Variants in RPS6KA2 observed in about 807,000 individuals in gnomAD.
The protein encoded by RPS6KA2 is ribosomal protein S6 kinase A2.
RPS6KA2 carries 42 observed loss-of-function variants against 91.8 expected under a neutral mutation model. The observed-to-expected ratio is 0.46, with a 90% CI of 0.36 to 0.59. RPS6KA2 has a LOEUF of 0.59. Among genes scored for constraint, RPS6KA2 ranks in the 20% least tolerant of loss-of-function variants. The pLI, the probability that RPS6KA2 is intolerant of heterozygous loss-of-function variation, is 0.00. For missense variants in RPS6KA2, 798 were observed against 978.5 expected (o/e 0.82, Z 2.46); for synonymous variants, 414 against 393.6 (o/e 1.05, Z -0.61).
Position 166,626,015 on chromosome 6 carries a change from C to A in RPS6KA2, c.99+906G>T, listed in dbSNP as rs1458029732. Among the ~76,000 whole-genome samples, 2 of 152,160 alleles carry A rather than the reference C, an allele frequency of 1.3e-5. No homozygotes were observed. The highest frequency in any genetic ancestry group is 4.8e-5 in the African/African-American group (2 of 41,432). On this transcript the variant is annotated intron_variant, in intron 1 of 20. Transcript: ENST00000265678. The surrounding 1 kb of genome is among the most constrained non-coding windows in gnomAD (Gnocchi z 4.1). ...ATTGTTCCAGCTGAAACAAACCAAC[C>A]AAAACCCCACAGGTGCCAGCCTTGA...
In RPS6KA2 at chr6:166,462,305, C is replaced by T. The variant is rs556905925; in HGVS notation, c.973-2754G>A. 6.1e-4 allele frequency among the ~76,000 whole-genome samples: 93 copies of T among 152,352 alleles called. 1 individual carries two copies. Among genetic ancestry groups the T allele is most frequent in the Admixed American group, 6.0e-3 (92 of 15,308 alleles). On this transcript the variant is annotated intron_variant, in intron 11 of 20. Transcript: ENST00000265678. ...CAGGCTCTGCCTGGCTTCCTACAGG[C>T]CACATCCTTCTCCCTCCTCGTCCAC... is the stretch of plus-strand genomic sequence containing the variant.
chr6:166,636,649 C>T (rs1290438729), intron 2 of RPS6KA2, among the ~76,000 whole-genome samples: 1 of 152,204 alleles, frequency 6.6e-6, no homozygotes, highest in Non-Finnish European at 1.5e-5. Context: ...GGAACTTTAA[C>T]ATCCCAGAGG....
At chr6:166,443,051 AT>A (rs1562496537) in intron 14 of RPS6KA2, among the ~76,000 whole-genome samples, 1 of 152,218 alleles carries the variant, frequency 6.6e-6, no homozygotes, top group Non-Finnish European at 1.5e-5. Flanking sequence ...CATATTTTGT[AT>A]TTGTATAATT....
intron 2 of RPS6KA2, among the ~76,000 whole-genome samples, chr6:166,669,710 C>A (rs914639388): frequency 1.3e-5 from 2 of 152,178 alleles, no homozygotes; most frequent in African/African-American, 2.4e-5. Flanking sequence ...TGACCCACCG[C>A]GTTTGCTCTT....
At chr6:166,522,478 C>T (rs1275775608) in intron 3 of RPS6KA2, among the ~76,000 whole-genome samples, 2 of 152,176 alleles carry the variant, frequency 1.3e-5, no homozygotes, top group Non-Finnish European at 2.9e-5. Context: ...GTCAGAGGCT[C>T]GATGATGCTT....
chr6:166,709,694 G>A (rs1562395020), intron 2 of RPS6KA2, among the ~76,000 whole-genome samples: 1 of 152,188 alleles, frequency 6.6e-6, no homozygotes, highest in South Asian at 2.1e-4. Flanking sequence ...TTAAGTCCTG[G>A]CACATTCCTC....
At chr6:166,697,538 A>G (rs868259761) in intron 2 of RPS6KA2, among the ~76,000 whole-genome samples, 5 of 152,212 alleles carry the variant, frequency 3.3e-5, no homozygotes, top group Admixed American at 2.6e-4. Flanking sequence ...CTGAATATCC[A>G]ATTTGAAACT....
At position 166,666,154 on chromosome 6, in the gene RPS6KA2, T is replaced by C. The variant is rs575181134; in HGVS notation, c.124-127370A>G. 5.3e-5 allele frequency among the ~76,000 whole-genome samples: 8 copies of C among 152,254 alleles called. No individual in the cohort carries two copies. Among genetic ancestry groups the C allele is most frequent in the African/African-American group, 1.9e-4 (8 of 41,556 alleles). On this transcript the variant is annotated intron_variant, in intron 2 of 21. Coordinates refer to the RPS6KA2 transcript ENST00000503859. The surrounding 1 kb of genome is among the most constrained non-coding windows in gnomAD (Gnocchi z 4.0). The stretch of plus-strand genomic sequence containing the variant: ...CACTTCAGAAGTTGGTGTCTAAAAT[T>C]GGAGACTCTTTCAGCAAGGCCTGCC...
intron 14 of RPS6KA2, among the ~76,000 whole-genome samples, chr6:166,447,484 A>AT (rs966851567): frequency 6.6e-6 from 1 of 152,044 alleles, no homozygotes; most frequent in Non-Finnish European, 1.5e-5. Flanking sequence ...GGGACCTGAG[A>AT]TTTTTTTTCG....
At chr6:166,543,210 C>T (rs1783715304) in intron 1 of RPS6KA2, among the ~76,000 whole-genome samples, 1 of 152,124 alleles carries the variant, frequency 6.6e-6, no homozygotes, top group Non-Finnish European at 1.5e-5. Flanking sequence ...GACAGAGTAC[C>T]ACATCGCAAG....
At chr6:166,574,195 T>C (rs957598882) in intron 1 of RPS6KA2, among the ~76,000 whole-genome samples, 1 of 152,212 alleles carries the variant, frequency 6.6e-6, no homozygotes, top group Non-Finnish European at 1.5e-5. Flanking sequence ...AGGAGGTCCA[T>C]GTGCAGGTTT....
chr6:166,429,651 A>C (rs1380924370), intron 16 of RPS6KA2, among the ~76,000 whole-genome samples: 3 of 152,146 alleles, frequency 2.0e-5, no homozygotes, highest in Non-Finnish European at 4.4e-5. Flanking sequence ...GGGTTTTGCC[A>C]TGTTGGCCAG....
chr6:166,567,836 C>T (rs961995985), intron 1 of RPS6KA2, among the ~76,000 whole-genome samples: 5 of 152,204 alleles, frequency 3.3e-5, no homozygotes. Context: ...CTCTCCCCAG[C>T]GATCCGTGCT....
chr6:166,528,776 C>T (rs1217758286), intron 3 of RPS6KA2, among the ~76,000 whole-genome samples: 28,119 of 149,516 alleles, frequency 0.19, 2,894 homozygotes, highest in African/African-American at 0.25. Context: ...GAACAGACAC[C>T]TCTCAAAAGA....
intron 2 of RPS6KA2, among the ~76,000 whole-genome samples, chr6:166,748,438 G>C (rs1308802434): frequency 2.0e-5 from 3 of 152,154 alleles, no homozygotes; most frequent in Non-Finnish European, 4.4e-5. Context: ...CCACAGGCTA[G>C]TGAGGGGGAA....
Position 166,626,729 on chromosome 6 carries a change from G to T in RPS6KA2, c.99+192C>A, listed in dbSNP as rs1189683739. ...TTGCCCCCGCGAGGACCCACGGACC[G>T]CCCAATTACTACGGAGTCCCAGCGA... On this transcript the variant is annotated intron_variant, in intron 1 of 20. Transcript: ENST00000265678. This position sits in a 1 kb window ranked among gnomAD's most constrained non-coding sequence, Gnocchi z 4.1. Among the ~76,000 whole-genome samples, 1 of 152,196 alleles carries T rather than the reference G, an allele frequency of 6.6e-6. No homozygotes were observed. The highest frequency in any genetic ancestry group is 1.5e-5 in the Non-Finnish European group (1 of 68,024).
At chr6:166,436,036 A>G (rs1425133980) in intron 14 of RPS6KA2, among the ~76,000 whole-genome samples, 3 of 152,172 alleles carry the variant, frequency 2.0e-5, no homozygotes, top group East Asian at 1.9e-4. Flanking sequence ...CCTCTGGCTC[A>G]CTGTTAAGAT....
In RPS6KA2 at chr6:166,862,347, G is replaced by C. The variant is rs1035406500; in HGVS notation, c.-177C>G. The C allele has an allele frequency of 5.5e-6, 8 of 1,451,280 alleles. No homozygotes were observed. The African/African-American group carries it at 1.0e-4, about 18-fold the overall frequency. 89.9% of individuals were successfully genotyped at this position (1,451,280 alleles called of 1,614,324 possible). ...GGCTCCCAGAGGAGGTCGTGAGCGC[G>C]GGGCCTGCGCCGGCCGGAGGAGGGA... On this transcript the variant is annotated 5_prime_UTR_variant, in exon 1 of 22. Coordinates refer to the RPS6KA2 transcript ENST00000503859.
chr6:166,747,485 A>G (rs992590041), intron 2 of RPS6KA2, among the ~76,000 whole-genome samples: 1 of 152,188 alleles, frequency 6.6e-6, no homozygotes, highest in African/African-American at 2.4e-5. Context: ...CATCCTTCAC[A>G]AATGCACATC....
Sources: gnomAD v4.1 joint callset for allele counts (sites outside exome capture counted in the v4.1 genomes callset) on GRCh38, gnomAD v4.1.1 for gene constraint, Gnocchi (gnomAD v3.1) non-coding constraint, MANE v1.5 for transcripts, NCBI Gene and HGNC (gene_info 2026-07-23, HGNC 2026-07-21) for gene names.